The following RPS6KC1 variants were observed in gnomAD, a reference collection of about 807,000 sequenced individuals.
RPS6KC1 encodes inactive ribosomal protein S6 kinase delta-1.
A neutral mutation model predicts 103.8 loss-of-function variants in RPS6KC1; 54 were observed. That is an observed-to-expected ratio of 0.52 (90% CI 0.42 to 0.65). RPS6KC1 has a LOEUF of 0.65. RPS6KC1 is among the 30% of genes least tolerant of loss of function. RPS6KC1 has a pLI of 0.00. For missense variants in RPS6KC1, 1,151 were observed against 1,253.8 expected (o/e 0.92, Z 1.24); for synonymous variants, 439 against 438.7 (o/e 1.00, Z -0.01).
At chr1:213,281,534 C>A in the RPS6KC1 span, among the ~76,000 whole-genome samples, 1 of 152,192 alleles carries the variant, frequency 6.6e-6, no homozygotes, top group Non-Finnish European at 1.5e-5. Context: ...AGCAGAACAC[C>A]CCTGATCATA....
At chr1:213,505,351 A>G in the RPS6KC1 span, among the ~76,000 whole-genome samples, 6 of 152,082 alleles carry the variant, frequency 3.9e-5, no homozygotes, top group African/African-American at 7.2e-5. Flanking sequence ...TTATTTCCCT[A>G]TCATAGGACA....
the RPS6KC1 span, among the ~76,000 whole-genome samples, chr1:213,485,915 A>C: frequency 6.6e-6 from 1 of 152,238 alleles, no homozygotes; most frequent in Non-Finnish European, 1.5e-5. Context: ...TGTCATTTAC[A>C]AAAAGAGAGC....
chr1:213,239,704 A>G (rs2094307526), intron 10 of RPS6KC1, among the ~76,000 whole-genome samples: 1 of 152,070 alleles, frequency 6.6e-6, no homozygotes, highest in East Asian at 1.9e-4. Context: ...ATTATTCTTA[A>G]TTTTTCATTT....
the RPS6KC1 span, among the ~76,000 whole-genome samples, chr1:213,446,386 C>T: frequency 2.6e-5 from 4 of 152,138 alleles, no homozygotes; most frequent in African/African-American, 9.7e-5. Context: ...AAGGGATTGG[C>T]TCATGCAATG....
intron 8 of RPS6KC1, among the ~76,000 whole-genome samples, chr1:213,190,428 C>T (rs2092706015): frequency 6.6e-6 from 1 of 152,106 alleles, no homozygotes. Flanking sequence ...TTTTTATATG[C>T]CTATTTGCCA....
At chr1:213,853,852 C>T in the RPS6KC1 span, among the ~76,000 whole-genome samples, 1 of 152,126 alleles carries the variant, frequency 6.6e-6, no homozygotes, top group Non-Finnish European at 1.5e-5. Context: ...TGCCTTAATC[C>T]ACATGCTTCA....
chr1:213,709,786 C>G, the RPS6KC1 span, among the ~76,000 whole-genome samples: 1 of 152,198 alleles, frequency 6.6e-6, no homozygotes, highest in Non-Finnish European at 1.5e-5. Context: ...ACCCAGTAGT[C>G]ATTCAGGAGC....
intron 8 of RPS6KC1, among the ~76,000 whole-genome samples, chr1:213,214,987 G>A (rs1244140334): frequency 6.6e-6 from 1 of 152,142 alleles, no homozygotes; most frequent in East Asian, 1.9e-4. Context: ...TCCTCCAAAG[G>A]AACACAGCTC....
At chr1:213,386,454 T>A in the RPS6KC1 span, among the ~76,000 whole-genome samples, 1 of 152,234 alleles carries the variant, frequency 6.6e-6, no homozygotes, top group South Asian at 2.1e-4. Flanking sequence ...ATGAGATCGA[T>A]GAAGTGCTTA....
At chr1:213,416,499 G>A in the RPS6KC1 span, among the ~76,000 whole-genome samples, 1 of 152,240 alleles carries the variant, frequency 6.6e-6, no homozygotes, top group Non-Finnish European at 1.5e-5. Flanking sequence ...CACGCTGTGG[G>A]AGGGCGAGTG....
the RPS6KC1 span, among the ~76,000 whole-genome samples, chr1:213,552,124 T>C: frequency 6.8e-4 from 103 of 152,346 alleles, no homozygotes; most frequent in Admixed American, 2.0e-3. Flanking sequence ...CACATTCATT[T>C]CCAAGTTTTG....
At chr1:213,528,123 T>C in the RPS6KC1 span, among the ~76,000 whole-genome samples, 1 of 152,118 alleles carries the variant, frequency 6.6e-6, no homozygotes, top group Non-Finnish European at 1.5e-5. Context: ...TACTAGTCCG[T>C]TCTCACACTG....
chr1:213,208,058 T>G (rs1258580409), intron 8 of RPS6KC1, among the ~76,000 whole-genome samples: 1 of 152,210 alleles, frequency 6.6e-6, no homozygotes, highest in Non-Finnish European at 1.5e-5. Flanking sequence ...GGGGAGGAAT[T>G]AAAATTTTCT....
the RPS6KC1 span, among the ~76,000 whole-genome samples, chr1:213,471,710 T>A: frequency 6.6e-6 from 1 of 152,136 alleles, no homozygotes; most frequent in South Asian, 2.1e-4. Flanking sequence ...TTTTCCCCAT[T>A]TAAAAACAGT....
chr1:213,545,267 AG>A, the RPS6KC1 span, among the ~76,000 whole-genome samples: 2 of 151,948 alleles, frequency 1.3e-5, no homozygotes, highest in African/African-American at 2.4e-5. Flanking sequence ...GCTACTCAGG[AG>A]GCTGAGGCAG....
At chr1:213,638,660 A>G in the RPS6KC1 span, among the ~76,000 whole-genome samples, 4 of 152,020 alleles carry the variant, frequency 2.6e-5, no homozygotes, top group African/African-American at 7.2e-5. Flanking sequence ...CACATATTAG[A>G]TGGGTAAATT....
intron 1 of RPS6KC1, among the ~76,000 whole-genome samples, chr1:213,061,532 G>T (rs1334385418): frequency 1.3e-5 from 2 of 151,884 alleles, no homozygotes; most frequent in Non-Finnish European, 2.9e-5. Context: ...GAGTTGGTAA[G>T]GTAACAATTG....
chr1:213,820,541 T>A, the RPS6KC1 span: 2 of 152,116 alleles, frequency 1.3e-5, no homozygotes, highest in Non-Finnish European at 2.9e-5. Context: ...GGCCTGAGCT[T>A]TGTCAGAGAG....
At chr1:213,402,677 A>G in the RPS6KC1 span, among the ~76,000 whole-genome samples, 26 of 152,110 alleles carry the variant, frequency 1.7e-4, no homozygotes, top group African/African-American at 5.8e-4. Flanking sequence ...GCAAATACGT[A>G]TGATGTTGAA....
Sources: gnomAD v4.1 joint callset for allele counts (sites outside exome capture counted in the v4.1 genomes callset) on GRCh38, gnomAD v4.1.1 for gene constraint, MANE v1.5 for transcripts, NCBI Gene and HGNC (gene_info 2026-07-23, HGNC 2026-07-21) for gene names.